Variants in SHOC1 observed in about 807,000 individuals in gnomAD.
The protein encoded by SHOC1 is shortage in chiasmata 1, also known as protein shortage in chiasmata 1 ortholog.
Under a neutral mutation model 179.2 loss-of-function variants are expected in SHOC1, and 136 were observed. The ratio of observed to expected loss-of-function variants is 0.76; its 90% CI spans 0.66 to 0.87. SHOC1 has a LOEUF of 0.87. SHOC1 is among the 40% of genes least tolerant of loss of function. The pLI, the probability that SHOC1 is intolerant of heterozygous loss-of-function variation, is 0.00. For missense variants in SHOC1, 1,538 were observed against 1,700.8 expected (o/e 0.90, Z 1.68); for synonymous variants, 489 against 586.6 (o/e 0.83, Z 2.41).
intron 5 of SHOC1, among the ~76,000 whole-genome samples, chr9:111,770,440 A>G (rs1835556370): frequency 1.3e-5 from 2 of 152,194 alleles, no homozygotes; most frequent in African/African-American, 2.4e-5. Flanking sequence ...GGCCTAAGAT[A>G]TGGTCTATTC....
At chr9:111,706,521 T>C (rs1829244792) in intron 20 of SHOC1, 47 bp downstream of exon 20, 1 of 1,366,418 alleles carries the variant, frequency 7.3e-7, no homozygotes, top group Non-Finnish European at 9.7e-7. Flanking sequence ...AAATAGAAAA[T>C]TTTCATTCTA....
At position 111,756,311 on chromosome 9, in the gene SHOC1, CAATT is replaced by C. The variant is rs752631427; in HGVS notation, c.862+10_862+13del. On this transcript the variant is annotated intron_variant, in intron 8 of 27. Transcript: ENST00000682961. ...TGGTTTTTACAAGTAATACATTTTACAATTAATTCTCACCTCTTTCAAAAAGCTT... is the reference window on the plus strand; with the variant it reads ...TGGTTTTTACAAGTAATACATTTTACAATTCTCACCTCTTTCAAAAAGCTT... The C allele has an allele frequency of 1.3e-6, 2 of 1,571,174 alleles. No individual in the cohort carries two copies. Among genetic ancestry groups the C allele is most frequent in the South Asian group, 1.2e-5 (1 of 83,618 alleles).
intron 27 of SHOC1, among the ~76,000 whole-genome samples, chr9:111,687,243 C>T (rs970702572): frequency 1.4e-4 from 22 of 152,112 alleles, no homozygotes; most frequent in African/African-American, 5.1e-4. Flanking sequence ...CCACCATGCC[C>T]GGCTGAAGTA....
intron 8 of SHOC1, among the ~76,000 whole-genome samples, chr9:111,753,546 T>G (rs1834701761): frequency 6.6e-6 from 1 of 152,126 alleles, no homozygotes; most frequent in Admixed American, 6.5e-5. Context: ...CTAAAAAAAT[T>G]AAAAATCTTC....
In SHOC1 at chr9:111,691,887, T is replaced by C; in HGVS notation, c.4090A>G (p.Ile1364Val). Residue 1364 changes from isoleucine (I) to valine (V), a missense_variant, in exon 27 of 28, where the codon ATA becomes GTA. Transcript: ENST00000682961. Reference protein sequence around the residue: ...SPLHWNFKKNIWEQENHPFNL... With the variant: ...SPLHWNFKKNVWEQENHPFNL... ...AACGGGTGATTCTCTTGTTCCCATATATTTTTCTTAAAGTTCCAATGAAGA... is the reference window on the plus strand; with the variant it reads ...AACGGGTGATTCTCTTGTTCCCATACATTTTTCTTAAAGTTCCAATGAAGA... 2.5e-6 allele frequency: 4 copies of C among 1,613,918 alleles called. No individual in the cohort carries two copies. The South Asian group carries it at 4.4e-5, about 18-fold the overall frequency.
At chr9:111,713,454 G>C (rs1301242698) in intron 17 of SHOC1, among the ~76,000 whole-genome samples, 1 of 152,148 alleles carries the variant, frequency 6.6e-6, no homozygotes, top group African/African-American at 2.4e-5. Flanking sequence ...GTCTCTGTTA[G>C]TGTTAAATTC....
At chr9:111,716,587 C>T (rs555858736) in intron 16 of SHOC1, among the ~76,000 whole-genome samples, 5 of 152,008 alleles carry the variant, frequency 3.3e-5, no homozygotes, top group Admixed American at 2.6e-4. Context: ...GGCAGGGTTT[C>T]ACCATGTTGG....
At chr9:111,761,856 T>C (rs1417158471) in intron 5 of SHOC1, among the ~76,000 whole-genome samples, 3 of 152,122 alleles carry the variant, frequency 2.0e-5, no homozygotes, top group Non-Finnish European at 4.4e-5. Context: ...ATATAATTTT[T>C]TTGCCCATCA....
At chr9:111,698,473 T>C (rs937245397) in intron 24 of SHOC1, among the ~76,000 whole-genome samples, 38 of 152,360 alleles carry the variant, frequency 2.5e-4, no homozygotes, top group Admixed American at 1.5e-3. Context: ...TTCTTGTTTT[T>C]GTCAGGTTTG....
At chr9:111,791,550 A>G (rs1836444865) in intron 1 of SHOC1, 96 bp from the exon 2 acceptor site, 2 of 455,104 alleles carry the variant, frequency 4.4e-6, no homozygotes, top group Admixed American at 8.7e-5. Context: ...ATTTTTAAAA[A>G]GGCTCTGAAT....
intron 4 of SHOC1, among the ~76,000 whole-genome samples, chr9:111,777,004 C>A (rs1589469526): frequency 6.6e-6 from 1 of 152,078 alleles, no homozygotes; most frequent in Non-Finnish European, 1.5e-5. Context: ...GACAATTTGG[C>A]AGGTAAGGGC....
At chr9:111,712,771 T>C (rs1832611609) in intron 18 of SHOC1, among the ~76,000 whole-genome samples, 1 of 152,186 alleles carries the variant, frequency 6.6e-6, no homozygotes. Context: ...GCATGAACTT[T>C]AGTTTCTTTA....
At chr9:111,768,512 C>A (rs2131596682) in intron 5 of SHOC1, among the ~76,000 whole-genome samples, 1 of 152,326 alleles carries the variant, frequency 6.6e-6, no homozygotes, top group Non-Finnish European at 1.5e-5. Context: ...AGCCACCGCG[C>A]CCAGCCATTA....
intron 11 of SHOC1, among the ~76,000 whole-genome samples, chr9:111,739,583 C>T (rs1833947605): frequency 6.6e-6 from 1 of 152,028 alleles, no homozygotes; most frequent in Non-Finnish European, 1.5e-5. Flanking sequence ...TGGTTTCTGT[C>T]ATTCTGCATA....
intron 14 of SHOC1, among the ~76,000 whole-genome samples, 178 bp downstream of exon 14, chr9:111,723,614 C>A (rs371156811): frequency 2.0e-4 from 30 of 151,980 alleles, no homozygotes; most frequent in African/African-American, 6.3e-4. Context: ...TGGGGAGAGG[C>A]AGGGGTAGTG....
rs367741195 is a variant in SHOC1, at chr9:111,712,693, C to T, written c.2488+407G>A. Among the ~76,000 whole-genome samples the T allele has an allele frequency of 3.9e-5, 6 of 152,222 alleles. No homozygotes were observed. In the East Asian group the frequency reaches 5.8e-4, roughly 15 times the overall value. On this transcript the variant is annotated intron_variant, in intron 18 of 27. Coordinates refer to ENST00000682961, the MANE Select transcript of SHOC1 (RefSeq NM_001378211.1). ...TGAGAATTGAAGAATGATACTAAAA[C>T]GAGAGTCCTAGGTTCAAATCCTGAC...
At chr9:111,792,173 C>G (rs1836469235) in intron 1 of SHOC1, among the ~76,000 whole-genome samples, 1 of 152,124 alleles carries the variant, frequency 6.6e-6, no homozygotes, top group South Asian at 2.1e-4. Context: ...GAATGCTTAA[C>G]TAGTCCGGGA....
In SHOC1 at chr9:111,778,624, A is replaced by G. The variant is rs111527024; in HGVS notation, c.257+2306T>C. Among the ~76,000 whole-genome samples, 656 of 150,064 alleles carry G rather than the reference A, an allele frequency of 4.4e-3. 3 individuals are homozygous for G. The highest frequency in any genetic ancestry group is 0.015 in the African/African-American group (613 of 40,782). ...TCTCTACTAAAAATACAAAAAATTTAGCTGGGGGTGTTAGTGGATGCCTGT... is the reference window on the plus strand; with the variant it reads ...TCTCTACTAAAAATACAAAAAATTTGGCTGGGGGTGTTAGTGGATGCCTGT... On this transcript the variant is annotated intron_variant, in intron 4 of 27. Transcript: ENST00000682961.
At chr9:111,711,394 C>T (rs1032502921) in intron 18 of SHOC1, among the ~76,000 whole-genome samples, 6 of 152,214 alleles carry the variant, frequency 3.9e-5, no homozygotes, top group African/African-American at 1.4e-4. Context: ...GAAGTTCCTG[C>T]CACTTGCAGG....
Sources: gnomAD v4.1 joint callset for allele counts (sites outside exome capture counted in the v4.1 genomes callset) on GRCh38, gnomAD v4.1.1 for gene constraint, MANE v1.5 for transcripts, NCBI Gene and HGNC (gene_info 2026-07-23, HGNC 2026-07-21) for gene names.